Variants in TPST1 observed in about 807,000 individuals in gnomAD.
TPST1 encodes the protein tyrosylprotein sulfotransferase 1, also known as protein-tyrosine sulfotransferase 1.
TPST1 carries 20 observed loss-of-function variants against 34.8 expected under a neutral mutation model. The ratio of observed to expected loss-of-function variants is 0.57; its 90% CI spans 0.40 to 0.84. The LOEUF is 0.84. TPST1 is among the 40% of genes least tolerant of loss of function. The pLI, the probability that TPST1 is intolerant of heterozygous loss-of-function variation, is 0.00. For synonymous variants in TPST1, 152 were observed against 159.4 expected (o/e 0.95, Z 0.35); for missense variants, 353 against 455.5 (o/e 0.78, Z 2.05).
intron 1 of TPST1, among the ~76,000 whole-genome samples, chr7:66,206,106 C>T (rs535991927): frequency 6.8e-6 from 1 of 148,124 alleles, no homozygotes; most frequent in Admixed American, 7.0e-5. Flanking sequence ...CCACTCTCTG[C>T]AATGCCGGAT....
intron 3 of TPST1, among the ~76,000 whole-genome samples, chr7:66,306,212 T>C (rs1791420979): frequency 6.6e-6 from 1 of 152,234 alleles, no homozygotes; most frequent in Non-Finnish European, 1.5e-5. Context: ...TATAATACTC[T>C]TGTGAATGCA....
intron 2 of TPST1, among the ~76,000 whole-genome samples, chr7:66,272,682 G>C (rs1790728963): frequency 6.6e-6 from 1 of 151,752 alleles, no homozygotes; most frequent in Non-Finnish European, 1.5e-5. Context: ...CCTCCTCCGG[G>C]CTCAAGCAAT....
chr7:66,248,651 G>A (rs774294254), intron 2 of TPST1, among the ~76,000 whole-genome samples: 12 of 151,646 alleles, frequency 7.9e-5, no homozygotes, highest in Non-Finnish European at 1.2e-4. Flanking sequence ...TTGCAGGTGC[G>A]TGCCACCACA....
intron 3 of TPST1, among the ~76,000 whole-genome samples, chr7:66,318,490 C>G (rs1362663785): frequency 5.4e-5 from 8 of 148,272 alleles, no homozygotes; most frequent in Non-Finnish European, 1.2e-4. Flanking sequence ...TTTTTTTAGA[C>G]GAAGTCTCAC....
chr7:66,302,402 A>G (rs1476011134), intron 3 of TPST1, among the ~76,000 whole-genome samples: 8 of 152,232 alleles, frequency 5.3e-5, no homozygotes, highest in Admixed American at 3.9e-4. Flanking sequence ...CTGGAACCCA[A>G]GCACCACACA....
chr7:66,261,774 T>G (rs188579538), intron 2 of TPST1, among the ~76,000 whole-genome samples: 1 of 152,340 alleles, frequency 6.6e-6, no homozygotes, highest in East Asian at 1.9e-4. Flanking sequence ...CCTCATTTTC[T>G]TCATGTGTAA....
Position 66,318,684 on chromosome 7 carries a change from C to A in TPST1, c.1044+31975C>A, listed in dbSNP as rs545818145. ...GTTTCACCATGTTGCCCAGGCTGGTCTCGATCTCCTGACCATGTGACTCGC... is the reference window on the plus strand; with the variant it reads ...GTTTCACCATGTTGCCCAGGCTGGTATCGATCTCCTGACCATGTGACTCGC... On this transcript the variant is annotated intron_variant, in intron 3 of 5. Coordinates refer to ENST00000304842, the MANE Select transcript of TPST1 (RefSeq NM_003596.4). Among the ~76,000 whole-genome samples the A allele has an allele frequency of 1.2e-4, 19 of 152,270 alleles. No individual in the cohort carries two copies. The East Asian group carries it at 2.5e-3, about 20-fold the overall frequency.
At position 66,359,948 on chromosome 7, in the gene TPST1, T is replaced by G; in HGVS notation, c.*83T>G. 2.2e-6 allele frequency: 1 copy of G among 456,730 alleles called. No homozygotes were observed. The highest frequency in any genetic ancestry group is 4.4e-6 in the Non-Finnish European group (1 of 226,972). 28.3% of individuals were successfully genotyped at this position (456,730 alleles called of 1,614,324 possible). A position where few individuals can be genotyped will look rare whatever the true frequency, so the allele number is the denominator to read the frequency against. On this transcript the variant is annotated 3_prime_UTR_variant, in exon 6 of 6. Coordinates refer to ENST00000304842, the MANE Select transcript of TPST1 (RefSeq NM_003596.4). ...GAAATTCCTAGGATTGGCTGTCCCC[T>G]GCCAAGCTTGGTGGAGCGTCTGCAC...
chr7:66,320,092 C>T (rs577017184), intron 3 of TPST1, among the ~76,000 whole-genome samples: 3 of 152,260 alleles, frequency 2.0e-5, no homozygotes, highest in African/African-American at 7.2e-5. Context: ...TTTACTGAGA[C>T]ATTCCACAAT....
At chr7:66,241,719 G>T (rs1312389454) in intron 2 of TPST1, among the ~76,000 whole-genome samples, 1 of 152,192 alleles carries the variant, frequency 6.6e-6, no homozygotes. Flanking sequence ...AGCACATAGT[G>T]AATTATAAGC....
chr7:66,279,825 C>T (rs1790897295), intron 2 of TPST1, among the ~76,000 whole-genome samples: 1 of 152,152 alleles, frequency 6.6e-6, no homozygotes. Context: ...TAAATAGTAC[C>T]TTACAATCCT....
intron 1 of TPST1, among the ~76,000 whole-genome samples, chr7:66,209,960 G>A (rs1789209989): frequency 6.6e-6 from 1 of 152,126 alleles, no homozygotes; most frequent in Admixed American, 6.5e-5. Flanking sequence ...GAGTCACTGC[G>A]CCTGGCCCCA....
chr7:66,267,245 C>A (rs2115768310), intron 2 of TPST1, among the ~76,000 whole-genome samples: 1 of 152,096 alleles, frequency 6.6e-6, no homozygotes, highest in South Asian at 2.1e-4. Context: ...TGTTGATTAC[C>A]CTATTGCATT....
At chr7:66,232,727 C>T (rs982408908) in intron 1 of TPST1, among the ~76,000 whole-genome samples, 1 of 152,192 alleles carries the variant, frequency 6.6e-6, no homozygotes, top group African/African-American at 2.4e-5. Context: ...ATGCTTGTCT[C>T]ACACTCCTGG....
At chr7:66,345,572 A>C (rs533423111) in intron 3 of TPST1, among the ~76,000 whole-genome samples, 1 of 152,128 alleles carries the variant, frequency 6.6e-6, no homozygotes, top group South Asian at 2.1e-4. Flanking sequence ...CAAATTGCAG[A>C]AAATCAAAGA....
At chr7:66,251,046 A>G (rs1790251197) in intron 2 of TPST1, among the ~76,000 whole-genome samples, 1 of 152,172 alleles carries the variant, frequency 6.6e-6, no homozygotes, top group Non-Finnish European at 1.5e-5. Flanking sequence ...TTTCCCATTT[A>G]ATGTTTTCAG....
At chr7:66,342,594 G>T (rs1792259531) in intron 3 of TPST1, among the ~76,000 whole-genome samples, 1 of 152,126 alleles carries the variant, frequency 6.6e-6, no homozygotes, top group Non-Finnish European at 1.5e-5. Flanking sequence ...TCTGCAGACT[G>T]TACAAGAAGC....
At chr7:66,269,702 T>G (rs1330364811) in intron 2 of TPST1, among the ~76,000 whole-genome samples, 2 of 152,206 alleles carry the variant, frequency 1.3e-5, no homozygotes, top group Non-Finnish European at 2.9e-5. Flanking sequence ...TCTCATTTTT[T>G]AAAAAAGAAG....
intron 2 of TPST1, among the ~76,000 whole-genome samples, chr7:66,282,006 A>G (rs1168953210): frequency 6.6e-6 from 1 of 152,196 alleles, no homozygotes; most frequent in African/African-American, 2.4e-5. Flanking sequence ...TGAGTCACAG[A>G]TATCTTGTCT....
Sources: allele counts gnomAD v4.1 joint callset (sites outside exome capture counted in the v4.1 genomes callset), GRCh38; gene constraint gnomAD v4.1.1; transcripts MANE v1.5; gene names NCBI Gene and HGNC (gene_info 2026-07-23, HGNC 2026-07-21).